KLHL32: variants seen among roughly 807,000 people sequenced by gnomAD.
KLHL32 encodes kelch-like protein 32.
KLHL32 carries 35 observed loss-of-function variants against 64.8 expected under a neutral mutation model. The ratio of observed to expected loss-of-function variants is 0.54; its 90% CI spans 0.41 to 0.72. KLHL32 has a LOEUF of 0.72. KLHL32 is among the 30% of genes least tolerant of loss of function. The probability of loss-of-function intolerance (pLI) is 0.00; values close to 1 mark genes in which losing one functional copy is unlikely to be tolerated. For synonymous variants in KLHL32, 259 were observed against 281.0 expected, an observed-to-expected ratio of 0.92 and a Z score of 0.78; for missense variants, 589 against 768.5, an observed-to-expected ratio of 0.77 and a Z score of 2.76.
At chr6:96,948,548 G>A (rs1284373354) in intron 1 of KLHL32, among the ~76,000 whole-genome samples, 1 of 152,010 alleles carries the variant, frequency 6.6e-6, no homozygotes, top group Non-Finnish European at 1.5e-5. Context: ...CTTTGGGTCT[G>A]TTTCTTCATG....
At chr6:97,114,763 G>GT (rs1240358959) in intron 7 of KLHL32, among the ~76,000 whole-genome samples, 5 of 152,220 alleles carry the variant, frequency 3.3e-5, no homozygotes, top group Non-Finnish European at 7.4e-5. Context: ...CATCACAACT[G>GT]TTTTTTTCCT....
intron 3 of KLHL32, among the ~76,000 whole-genome samples, chr6:96,979,337 CTA>C (rs1776042907): frequency 6.6e-6 from 1 of 152,096 alleles, no homozygotes; most frequent in Non-Finnish European, 1.5e-5. Context: ...AGAAAAGGGT[CTA>C]GTTTCAATGT....
intron 6 of KLHL32, among the ~76,000 whole-genome samples, chr6:97,097,042 T>C (rs890429342): frequency 6.6e-6 from 1 of 152,218 alleles, no homozygotes; most frequent in Non-Finnish European, 1.5e-5. Flanking sequence ...CTGATAACCC[T>C]ACCTGTGTTT....
At chr6:97,016,052 T>C (rs1781145123) in intron 3 of KLHL32, among the ~76,000 whole-genome samples, 1 of 152,190 alleles carries the variant, frequency 6.6e-6, no homozygotes, top group Non-Finnish European at 1.5e-5. Flanking sequence ...AATACCTGCA[T>C]GTCCAGGCAG....
intron 3 of KLHL32, among the ~76,000 whole-genome samples, chr6:97,008,616 T>A (rs1319785055): frequency 6.6e-6 from 1 of 151,982 alleles, no homozygotes; most frequent in Non-Finnish European, 1.5e-5. Flanking sequence ...TTTGTGGAGG[T>A]CATGGGGTCT....
chr6:97,056,357 G>T (rs1000305791), intron 4 of KLHL32, among the ~76,000 whole-genome samples: 14 of 152,112 alleles, frequency 9.2e-5, no homozygotes, highest in African/African-American at 2.7e-4. Flanking sequence ...CTCCCGCCTT[G>T]GCCTCCCAAA....
chr6:96,938,282 C>A (rs1770856271), intron 1 of KLHL32, among the ~76,000 whole-genome samples: 1 of 150,864 alleles, frequency 6.6e-6, no homozygotes, highest in South Asian at 2.1e-4. Context: ...GAAAAAAAAA[C>A]AAATGTGTGG....
chr6:96,979,608 G>A (rs1216457120), intron 3 of KLHL32, among the ~76,000 whole-genome samples: 1 of 152,086 alleles, frequency 6.6e-6, no homozygotes, highest in Admixed American at 6.6e-5. Context: ...CTACAGCTTT[G>A]TTCTTTTTGC....
chr6:97,076,822 C>A (rs1355774617), intron 5 of KLHL32, among the ~76,000 whole-genome samples: 1 of 151,816 alleles, frequency 6.6e-6, no homozygotes, highest in Non-Finnish European at 1.5e-5. Flanking sequence ...AGGCACGTAC[C>A]TTTATTTAAA....
chr6:97,007,792 TG>T (rs1444489706), intron 3 of KLHL32, among the ~76,000 whole-genome samples: 1 of 152,138 alleles, frequency 6.6e-6, no homozygotes, highest in Non-Finnish European at 1.5e-5. Flanking sequence ...GCTCTAACTC[TG>T]GGGGGCTGGC....
intron 1 of KLHL32, among the ~76,000 whole-genome samples, chr6:96,945,180 A>C (rs1771767246): frequency 6.6e-6 from 1 of 152,224 alleles, no homozygotes; most frequent in South Asian, 2.1e-4. Context: ...TGTTGTTTTT[A>C]AACATCATCA....
At chr6:96,923,863 TATTAAA>T (rs1192904369), upstream of KLHL32, among the ~76,000 whole-genome samples, 1 of 152,224 alleles carries the variant, frequency 6.6e-6, no homozygotes, top group Non-Finnish European at 1.5e-5. Context: ...AATACTTACC[TATTAAA>T]ATTACCCACT....
rs971835722 is a variant in KLHL32 at position 96,967,144 on chromosome 6, C to T, written c.23+61C>T. ...TGAGCCCTGAAATAAGTGCATTGCA[C>T]GTTCTAGGATCAAGCACAAAGCAGG... On this transcript the variant is annotated intron_variant, in intron 2 of 10. Coordinates refer to ENST00000369261, the MANE Select transcript of KLHL32 (RefSeq NM_052904.4). 36 of 1,473,358 alleles carry T rather than the reference C, an allele frequency of 2.4e-5. 1 individual carries two copies. The highest frequency in any genetic ancestry group is 1.9e-4 in the South Asian group (17 of 87,728). 91.3% of individuals were successfully genotyped at this position (1,473,358 alleles called of 1,614,324 possible). A position where few individuals can be genotyped will look rare whatever the true frequency, so the allele number is the denominator to read the frequency against.
intron 3 of KLHL32, among the ~76,000 whole-genome samples, chr6:97,023,212 G>A (rs1213581366): frequency 6.7e-6 from 1 of 150,320 alleles, no homozygotes; most frequent in African/African-American, 2.5e-5. Context: ...TTTAGAAATT[G>A]TAAAGACAAA....
chr6:96,961,750 G>A (rs12527428), intron 1 of KLHL32, among the ~76,000 whole-genome samples: 11,554 of 152,190 alleles, frequency 0.076, 477 homozygotes, highest in Middle Eastern at 0.15. Flanking sequence ...TAATTGAGCT[G>A]TATGGTTCTT....
At chr6:97,118,807 T>C (rs1237898752) in intron 7 of KLHL32, among the ~76,000 whole-genome samples, 2 of 152,114 alleles carry the variant, frequency 1.3e-5, no homozygotes, top group East Asian at 3.9e-4. Flanking sequence ...TCCGGGATAG[T>C]GCTGGAGCAT....
intron 4 of KLHL32, among the ~76,000 whole-genome samples, chr6:97,043,437 A>G (rs1331258120): frequency 7.0e-6 from 1 of 143,008 alleles, no homozygotes; most frequent in African/African-American, 2.8e-5. Flanking sequence ...TGTTGTGTAT[A>G]CATACCATCT....
chr6:97,031,482 C>T (rs534460232), intron 3 of KLHL32, among the ~76,000 whole-genome samples: 163 of 152,020 alleles, frequency 1.1e-3, no homozygotes, highest in African/African-American at 3.7e-3. Context: ...ACTGCAGGTG[C>T]AGACCACCAT....
chr6:96,963,598 C>T (rs2128028778), intron 1 of KLHL32, among the ~76,000 whole-genome samples: 1 of 152,254 alleles, frequency 6.6e-6, no homozygotes, highest in South Asian at 2.1e-4. Context: ...ACCCTCCCTG[C>T]CTTGCTTTTT....
Sources: gnomAD v4.1 joint callset for allele counts (sites outside exome capture counted in the v4.1 genomes callset) on GRCh38, gnomAD v4.1.1 for gene constraint, MANE v1.5 for transcripts, NCBI Gene and HGNC (gene_info 2026-07-23, HGNC 2026-07-21) for gene names.